HCN1: variants seen among roughly 807,000 people sequenced by gnomAD.
HCN1 encodes the protein hyperpolarization activated cyclic nucleotide gated potassium channel 1.
A neutral mutation model predicts 78.9 loss-of-function variants in HCN1; 13 were observed. That is an observed-to-expected ratio of 0.16 (90% CI 0.11 to 0.26). The LOEUF is 0.26. Among genes scored for constraint, HCN1 ranks in the 10% least tolerant of loss-of-function variants. The pLI is 1.00. For missense variants in HCN1, 810 were observed against 1,154.3 expected (o/e 0.70, Z 4.32); for synonymous variants, 552 against 455.5 (o/e 1.21, Z -2.70).
intron 6 of HCN1, among the ~76,000 whole-genome samples, chr5:45,294,013 C>T (rs1355775933): frequency 6.6e-6 from 1 of 151,894 alleles, no homozygotes; most frequent in Non-Finnish European, 1.5e-5. Flanking sequence ...CCTACGGCTG[C>T]CTCTTCTTCC....
At chr5:45,327,867 C>T (rs1387623156) in intron 5 of HCN1, among the ~76,000 whole-genome samples, 2 of 151,566 alleles carry the variant, frequency 1.3e-5, no homozygotes, top group East Asian at 1.9e-4. Context: ...GAAACTAGAC[C>T]TGCCAATACC....
chr5:45,299,559 T>A (rs1745566724), intron 6 of HCN1, among the ~76,000 whole-genome samples: 1 of 151,940 alleles, frequency 6.6e-6, no homozygotes, highest in Non-Finnish European at 1.5e-5. Context: ...GGCATCAAAT[T>A]TTTTTAAAGC....
intron 2 of HCN1, among the ~76,000 whole-genome samples, chr5:45,553,138 C>A (rs1389579459): frequency 2.0e-5 from 3 of 151,810 alleles, no homozygotes; most frequent in Admixed American, 1.3e-4. Flanking sequence ...TGTCCTAAAT[C>A]ACCTGCCCAG....
At chr5:45,504,189 G>A (rs572172388) in intron 2 of HCN1, among the ~76,000 whole-genome samples, 1 of 152,164 alleles carries the variant, frequency 6.6e-6, no homozygotes, top group South Asian at 2.1e-4. Context: ...CCATGTTGGT[G>A]TGCTGCATCC....
At chr5:45,446,625 G>C (rs1318216611) in intron 3 of HCN1, among the ~76,000 whole-genome samples, 1 of 152,046 alleles carries the variant, frequency 6.6e-6, no homozygotes, top group Non-Finnish European at 1.5e-5. Context: ...AAATGTTAAG[G>C]GCAGCCAGAG....
intron 2 of HCN1, among the ~76,000 whole-genome samples, chr5:45,596,431 A>G (rs1744496833): frequency 6.6e-6 from 1 of 152,230 alleles, no homozygotes; most frequent in South Asian, 2.1e-4. Flanking sequence ...TGAAATCTAT[A>G]ATTTATTTAA....
At chr5:45,627,727 T>C (rs1435742140) in intron 2 of HCN1, among the ~76,000 whole-genome samples, 1 of 152,192 alleles carries the variant, frequency 6.6e-6, no homozygotes, top group African/African-American at 2.4e-5. Context: ...GATAAGAGTC[T>C]ATCATATATA....
chr5:45,619,389 G>A (rs924205687), intron 2 of HCN1, among the ~76,000 whole-genome samples: 3 of 152,008 alleles, frequency 2.0e-5, no homozygotes, highest in Admixed American at 2.0e-4. Flanking sequence ...ACGGTGAATC[G>A]AACATTGTGT....
chr5:45,521,933 CAGA>C (rs552605224), intron 2 of HCN1, among the ~76,000 whole-genome samples: 86 of 152,006 alleles, frequency 5.7e-4, no homozygotes, highest in African/African-American at 1.9e-3. Context: ...AACTAAAACT[CAGA>C]AGGTTTTAAG....
intron 5 of HCN1, among the ~76,000 whole-genome samples, chr5:45,316,140 T>C (rs1012425304): frequency 6.6e-6 from 1 of 152,174 alleles, no homozygotes; most frequent in African/African-American, 2.4e-5. Flanking sequence ...ATATCCCTGA[T>C]GAACATCGAT....
At chr5:45,448,817 A>G (rs1740849915) in intron 3 of HCN1, among the ~76,000 whole-genome samples, 1 of 152,192 alleles carries the variant, frequency 6.6e-6, no homozygotes, top group Non-Finnish European at 1.5e-5. Flanking sequence ...CTTGAGAAGT[A>G]TAATAAAAAT....
intron 2 of HCN1, among the ~76,000 whole-genome samples, chr5:45,525,499 CTAAT>C (rs1174667035): frequency 6.6e-6 from 1 of 151,274 alleles, no homozygotes; most frequent in Non-Finnish European, 1.5e-5. Flanking sequence ...ATTTTATATA[CTAAT>C]TAATATATTC....
chr5:45,474,296 T>C (rs758628201), intron 2 of HCN1, among the ~76,000 whole-genome samples: 31 of 151,892 alleles, frequency 2.0e-4, no homozygotes, highest in Admixed American at 1.3e-3. Flanking sequence ...ATAATACACA[T>C]TGATCCTGCA....
intron 2 of HCN1, among the ~76,000 whole-genome samples, chr5:45,630,251 A>G (rs1262640057): frequency 1.3e-5 from 2 of 152,176 alleles, no homozygotes; most frequent in African/African-American, 4.8e-5. Context: ...ATATTTAAGC[A>G]GAGAGGGAGC....
intron 3 of HCN1, among the ~76,000 whole-genome samples, chr5:45,405,541 AG>A (rs1433095868): frequency 1.3e-5 from 2 of 152,100 alleles, no homozygotes; most frequent in Admixed American, 1.3e-4. Context: ...CTGAGTAGCT[AG>A]GACTATACAC....
At chr5:45,503,122 G>A (rs761351866) in intron 2 of HCN1, among the ~76,000 whole-genome samples, 2 of 152,172 alleles carry the variant, frequency 1.3e-5, no homozygotes, top group Admixed American at 6.5e-5. Flanking sequence ...GAAGGAGCAC[G>A]TGAATCAGAA....
chr5:45,363,145 C>T (rs376462762), intron 4 of HCN1, among the ~76,000 whole-genome samples: 20 of 131,272 alleles, frequency 1.5e-4, no homozygotes, highest in African/African-American at 4.8e-4. Flanking sequence ...TATATATATA[C>T]ATATATATAT....
intron 5 of HCN1, among the ~76,000 whole-genome samples, chr5:45,317,160 C>T (rs1163869014): frequency 1.3e-5 from 2 of 152,140 alleles, no homozygotes; most frequent in Admixed American, 6.6e-5. Flanking sequence ...TACCTGACTT[C>T]AAACTACACT....
At chr5:45,442,179 AAGTC>A (rs765146364) in intron 3 of HCN1, among the ~76,000 whole-genome samples, 2 of 152,166 alleles carry the variant, frequency 1.3e-5, no homozygotes, top group African/African-American at 2.4e-5. Context: ...CAAATCTTCA[AAGTC>A]CAGCTGAACT....
Sources: gnomAD v4.1 joint callset for allele counts (sites outside exome capture counted in the v4.1 genomes callset) on GRCh38, gnomAD v4.1.1 for gene constraint, MANE v1.5 for transcripts, NCBI Gene and HGNC (gene_info 2026-07-23, HGNC 2026-07-21) for gene names.